The following ZNG1B variants were observed in gnomAD, a reference collection of about 807,000 sequenced individuals.
ZNG1B encodes Zn regulated GTPase metalloprotein activator 1B.
the ZNG1B span, among the ~76,000 whole-genome samples, chr2:113,443,530 A>C: frequency 6.8e-6 from 1 of 147,104 alleles, no homozygotes; most frequent in African/African-American, 2.6e-5. Context: ...AGGAGGAAGT[A>C]GGTATGTTTA....
the ZNG1B span, chr2:113,469,400 C>G: frequency 2.0e-5 from 3 of 148,358 alleles, no homozygotes; most frequent in Non-Finnish European, 3.0e-5. Flanking sequence ...CCTTGGCCTC[C>G]CAAAGTGGAG....
At chr2:113,439,117 G>T in the ZNG1B span, 2 of 1,520,484 alleles carry the variant, frequency 1.3e-6, 1 homozygote, top group Admixed American at 4.1e-5. Flanking sequence ...ATTGCTCACT[G>T]GTAGGTCAGT....
the ZNG1B span, among the ~76,000 whole-genome samples, chr2:113,476,381 A>T: frequency 6.0e-5 from 9 of 150,226 alleles, no homozygotes; most frequent in African/African-American, 2.0e-4. Context: ...TATTCTAGTT[A>T]TACATTCTTC....
At chr2:113,490,500 G>GAAACA in the ZNG1B span, among the ~76,000 whole-genome samples, 3 of 151,870 alleles carry the variant, frequency 2.0e-5, no homozygotes, top group East Asian at 5.8e-4. Flanking sequence ...AAATGAAATT[G>GAAACA]AAACAAAACA....
At chr2:113,458,186 T>G in the ZNG1B span, among the ~76,000 whole-genome samples, 1 of 151,980 alleles carries the variant, frequency 6.6e-6, no homozygotes, top group Non-Finnish European at 1.5e-5. Context: ...TAAATGAAAG[T>G]CATCTGACTT....
chr2:113,448,781 G>A, the ZNG1B span, among the ~76,000 whole-genome samples: 15 of 151,890 alleles, frequency 9.9e-5, no homozygotes, highest in Non-Finnish European at 2.1e-4. Context: ...GTGGGAGCCT[G>A]TAATCCCAGT....
At chr2:113,485,865 A>T in the ZNG1B span, among the ~76,000 whole-genome samples, 1 of 152,166 alleles carries the variant, frequency 6.6e-6, no homozygotes, top group Non-Finnish European at 1.5e-5. Context: ...AGACTAAATA[A>T]ACAAACCTGA....
the ZNG1B span, among the ~76,000 whole-genome samples, chr2:113,478,062 T>C: frequency 3.3e-5 from 5 of 152,106 alleles, no homozygotes; most frequent in African/African-American, 1.2e-4. Flanking sequence ...CCTTTTTCTG[T>C]TAGTGGACAT....
At chr2:113,442,770 C>T in the ZNG1B span, among the ~76,000 whole-genome samples, 10 of 152,154 alleles carry the variant, frequency 6.6e-5, no homozygotes, top group East Asian at 1.9e-4. Flanking sequence ...ATAAAAAATA[C>T]GTAAGTGTAA....
the ZNG1B span, chr2:113,468,600 A>G: frequency 1.4e-5 from 2 of 147,324 alleles, 1 homozygote; most frequent in African/African-American, 5.3e-5. Context: ...AAATGCTGGT[A>G]ATGGTCTTTT....
At chr2:113,442,085 C>T in the ZNG1B span, among the ~76,000 whole-genome samples, 3 of 152,112 alleles carry the variant, frequency 2.0e-5, no homozygotes, top group South Asian at 4.2e-4. Context: ...TGTATGGACT[C>T]TATTGCAACT....
the ZNG1B span, among the ~76,000 whole-genome samples, chr2:113,475,036 G>A: frequency 2.1e-5 from 3 of 143,862 alleles, no homozygotes; most frequent in African/African-American, 7.8e-5. Flanking sequence ...TCAATTCCTG[G>A]GTATCCTTGT....
At chr2:113,487,352 A>G in the ZNG1B span, among the ~76,000 whole-genome samples, 1 of 152,220 alleles carries the variant, frequency 6.6e-6, no homozygotes, top group African/African-American at 2.4e-5. Flanking sequence ...CTCTTTATGT[A>G]TCCATGACTG....
the ZNG1B span, chr2:113,465,676 A>G: frequency 5.3e-6 from 5 of 943,514 alleles, no homozygotes; most frequent in Non-Finnish European, 6.3e-6. Flanking sequence ...TGTAGATTAA[A>G]TTCTGTTTTC....
the ZNG1B span, among the ~76,000 whole-genome samples, chr2:113,461,221 AT>A: frequency 7.4e-5 from 11 of 149,410 alleles, no homozygotes; most frequent in East Asian, 1.8e-3. Context: ...TAATTTTTGC[AT>A]TTTTTTTTAA....
chr2:113,478,635 T>C, the ZNG1B span, among the ~76,000 whole-genome samples: 1 of 140,274 alleles, frequency 7.1e-6, no homozygotes, highest in African/African-American at 2.7e-5. Flanking sequence ...CTAATTCTAC[T>C]TTCAACTAGT....
At chr2:113,489,359 G>T in the ZNG1B span, among the ~76,000 whole-genome samples, 1 of 152,156 alleles carries the variant, frequency 6.6e-6, no homozygotes, top group Non-Finnish European at 1.5e-5. Flanking sequence ...TCTAAATCTT[G>T]AAACAAATCC....
chr2:113,488,543 T>A, the ZNG1B span, among the ~76,000 whole-genome samples: 1 of 151,486 alleles, frequency 6.6e-6, no homozygotes, highest in Non-Finnish European at 1.5e-5. Flanking sequence ...TGAAAAAGAA[T>A]TCACTAGGTT....
the ZNG1B span, chr2:113,481,954 T>A: frequency 1.6e-6 from 1 of 634,930 alleles, no homozygotes; most frequent in Non-Finnish European, 2.7e-6. Flanking sequence ...TCTGTGCATA[T>A]GTATATATAT....
Sources: gnomAD v4.1 joint callset for allele counts (sites outside exome capture counted in the v4.1 genomes callset) on GRCh38, gnomAD v4.1.1 for gene constraint, MANE v1.5 for transcripts, NCBI Gene and HGNC (gene_info 2026-07-23, HGNC 2026-07-21) for gene names.